Variants in FBXL7 observed in about 807,000 individuals in gnomAD.
FBXL7 encodes F-box and leucine rich repeat protein 7.
A neutral mutation model predicts 38.3 loss-of-function variants in FBXL7; 12 were observed. That is an observed-to-expected ratio of 0.31 (90% confidence interval 0.20 to 0.51). The LOEUF is 0.51. Among genes scored for constraint, FBXL7 ranks in the 20% least tolerant of loss-of-function variants. The probability of loss-of-function intolerance (pLI) is 0.98; values close to 1 mark genes in which losing one functional copy is unlikely to be tolerated. For synonymous variants in FBXL7, 297 were observed against 300.9 expected (o/e 0.99, Z 0.13); for missense variants, 567 against 676.4 (o/e 0.84, Z 1.79).
At chr5:15,548,868 A>G (rs1737988224) in intron 1 of FBXL7, among the ~76,000 whole-genome samples, 1 of 152,234 alleles carries the variant, frequency 6.6e-6, no homozygotes, top group Admixed American at 6.5e-5. Flanking sequence ...AGGAAACAGG[A>G]TAGGGGAACA....
intron 2 of FBXL7, among the ~76,000 whole-genome samples, chr5:15,738,718 A>G (rs1489680497): frequency 6.6e-6 from 1 of 152,244 alleles, no homozygotes. Flanking sequence ...CAGATCTGCT[A>G]GAAAAGGAGA....
intron 1 of FBXL7, among the ~76,000 whole-genome samples, chr5:15,613,120 CAAT>C (rs1301901589): frequency 3.3e-5 from 5 of 152,130 alleles, no homozygotes; most frequent in Admixed American, 6.5e-5. Flanking sequence ...TGGTGTTGCA[CAAT>C]AATGTTATTT....
Position 15,664,469 on chromosome 5 carries a change from C to CTT in FBXL7, c.127+48418_127+48419dup, listed in dbSNP as rs34999340. 7.4e-3 allele frequency among the ~76,000 whole-genome samples: 786 copies of CTT among 105,526 alleles called. 2 individuals are homozygous for CTT. The highest frequency in any genetic ancestry group is 0.028 in the East Asian group (90 of 3,180). The allele number at this position is 105,526 out of a possible 152,430, so 69.2% of individuals were successfully genotyped here. The stretch of plus-strand genomic sequence containing the variant: ...TCAAATTTTCTCTTTTTTTCTTTTC[C>CTT]TTTTTTTTTTTTTTTTTTTTTTGAG... On this transcript the variant is annotated intron_variant, in intron 2 of 3. Coordinates refer to ENST00000504595, the MANE Select transcript of FBXL7 (RefSeq NM_012304.5).
intron 2 of FBXL7, among the ~76,000 whole-genome samples, chr5:15,842,419 A>G (rs1233294036): frequency 6.6e-6 from 1 of 152,164 alleles, no homozygotes; most frequent in Non-Finnish European, 1.5e-5. Context: ...TTTCTTTCGA[A>G]TTTACAGGCT....
chr5:15,698,897 A>G (rs1353272366), intron 2 of FBXL7, among the ~76,000 whole-genome samples: 2 of 152,230 alleles, frequency 1.3e-5, no homozygotes, highest in Admixed American at 1.3e-4. Context: ...TGGCCTAGAC[A>G]TCTCTTAGCT....
intron 2 of FBXL7, among the ~76,000 whole-genome samples, chr5:15,824,132 C>T (rs895435590): frequency 6.6e-6 from 1 of 151,080 alleles, no homozygotes; most frequent in Non-Finnish European, 1.5e-5. Context: ...CCCGTCTCTA[C>T]TAAAAATATA....
chr5:15,827,267 C>T (rs886975076), intron 2 of FBXL7, among the ~76,000 whole-genome samples: 8 of 150,900 alleles, frequency 5.3e-5, no homozygotes, highest in South Asian at 2.1e-4. Flanking sequence ...GGTTTTTTTT[C>T]GATCTCTGCC....
intron 1 of FBXL7, among the ~76,000 whole-genome samples, chr5:15,572,656 C>A (rs1738829348): frequency 6.6e-6 from 1 of 152,098 alleles, no homozygotes; most frequent in African/African-American, 2.4e-5. Context: ...CAGTTCTGGG[C>A]TTTGATGGGG....
At chr5:15,814,428 G>C (rs1436463651) in intron 2 of FBXL7, among the ~76,000 whole-genome samples, 1 of 152,014 alleles carries the variant, frequency 6.6e-6, no homozygotes, top group Non-Finnish European at 1.5e-5. Context: ...GGCCTGTTGG[G>C]GTTGGAGGAC....
intron 2 of FBXL7, among the ~76,000 whole-genome samples, chr5:15,863,979 A>G (rs1406556500): frequency 6.6e-6 from 1 of 151,722 alleles, no homozygotes; most frequent in African/African-American, 2.4e-5. Flanking sequence ...TATTGACTAG[A>G]GTTACGGATG....
intron 1 of FBXL7, among the ~76,000 whole-genome samples, chr5:15,559,209 C>T (rs1230216179): frequency 1.3e-5 from 2 of 152,154 alleles, no homozygotes; most frequent in African/African-American, 4.8e-5. Flanking sequence ...CGAGAGGAGA[C>T]ACATGTCTGA....
intron 1 of FBXL7, among the ~76,000 whole-genome samples, chr5:15,556,621 G>T (rs2126430749): frequency 6.6e-6 from 1 of 152,268 alleles, no homozygotes; most frequent in Admixed American, 6.5e-5. Flanking sequence ...ATTTACTACT[G>T]TCATAACATA....
At chr5:15,603,192 C>G (rs1187844178) in intron 1 of FBXL7, among the ~76,000 whole-genome samples, 6 of 152,096 alleles carry the variant, frequency 3.9e-5, no homozygotes, top group Admixed American at 3.9e-4. Context: ...ATCTCCCTAG[C>G]CTAATATGAA....
At chr5:15,558,673 A>C (rs995842783) in intron 1 of FBXL7, among the ~76,000 whole-genome samples, 2 of 152,266 alleles carry the variant, frequency 1.3e-5, no homozygotes, top group Admixed American at 1.3e-4. Flanking sequence ...AGGTGAGGCC[A>C]CATATGAAGC....
chr5:15,861,582 C>G (rs544109388), intron 2 of FBXL7, among the ~76,000 whole-genome samples: 6 of 152,308 alleles, frequency 3.9e-5, no homozygotes, highest in African/African-American at 1.4e-4. Flanking sequence ...GACCTTATTA[C>G]CCATACTTCC....
chr5:15,599,627 T>G (rs1317568451), intron 1 of FBXL7, among the ~76,000 whole-genome samples: 3 of 152,126 alleles, frequency 2.0e-5, no homozygotes, highest in Non-Finnish European at 4.4e-5. Flanking sequence ...TCCTCCAGTT[T>G]TCCTTTCCCC....
At chr5:15,552,473 A>G (rs929098498) in intron 1 of FBXL7, among the ~76,000 whole-genome samples, 2 of 152,142 alleles carry the variant, frequency 1.3e-5, no homozygotes, top group South Asian at 2.1e-4. Context: ...AGATTTCCCC[A>G]ATGGGTTTTA....
At chr5:15,890,149 C>A (rs1273096805) in intron 2 of FBXL7, among the ~76,000 whole-genome samples, 1 of 152,008 alleles carries the variant, frequency 6.6e-6, no homozygotes, top group East Asian at 1.9e-4. Context: ...GGTCTGTGGC[C>A]AGTTAGGAAC....
At chr5:15,673,221 C>T (rs1465247886) in intron 2 of FBXL7, among the ~76,000 whole-genome samples, 7 of 151,798 alleles carry the variant, frequency 4.6e-5, no homozygotes, top group African/African-American at 1.7e-4. Context: ...GAGGCTGAGG[C>T]AAGAGAATTG....
Sources: allele counts gnomAD v4.1 joint callset (sites outside exome capture counted in the v4.1 genomes callset), GRCh38; gene constraint gnomAD v4.1.1; transcripts MANE v1.5; gene names NCBI Gene and HGNC (gene_info 2026-07-23, HGNC 2026-07-21).